The following DMD variants were observed in gnomAD, a reference collection of about 807,000 sequenced individuals.
DMD encodes dystrophin, also known as mutant dystrophin.
A neutral mutation model predicts 330.1 loss-of-function variants in DMD; 63 were observed. That is an observed-to-expected ratio of 0.19 (90% CI 0.16 to 0.24). The LOEUF is 0.24. DMD is among the 10% of genes least tolerant of loss of function. The probability of loss-of-function intolerance (pLI) is 1.00; values close to 1 mark genes in which losing one functional copy is unlikely to be tolerated. For synonymous variants in DMD, 1,223 were observed against 959.8 expected, an observed-to-expected ratio of 1.27 and a Z score of -5.07; for missense variants, 3,344 against 2,684.1, an observed-to-expected ratio of 1.25 and a Z score of -5.43.
chrX:33,025,688 G>A (rs1291768121), intron 1 of DMD, among the ~76,000 whole-genome samples: 2 of 110,554 alleles, frequency 1.8e-5, no homozygotes, highest in Non-Finnish European at 3.8e-5. Flanking sequence ...CAGTAGCTAG[G>A]ACTCTAGGCA....
chrX:32,431,926 C>T (rs2098239984), intron 29 of DMD, among the ~76,000 whole-genome samples: 1 of 111,048 alleles, frequency 9.0e-6, no homozygotes, highest in South Asian at 3.8e-4. Flanking sequence ...TGAGTTTAAT[C>T]TGTGAGGACA....
At chrX:32,664,127 T>C (rs574007227) in intron 9 of DMD, among the ~76,000 whole-genome samples, 11 of 111,456 alleles carry the variant, frequency 9.9e-5, no homozygotes, top group African/African-American at 3.3e-4. Flanking sequence ...GGCAGGCTTG[T>C]TTAAAAGGCT....
chrX:31,453,723 C>T (rs1192295348), intron 59 of DMD, among the ~76,000 whole-genome samples: 1 of 88,726 alleles, frequency 1.1e-5, no homozygotes, highest in Non-Finnish European at 2.1e-5. Flanking sequence ...ATAATCCTAA[C>T]TGCAACTGCC....
chrX:32,454,199 C>A (rs191222399), intron 26 of DMD, among the ~76,000 whole-genome samples: 72 of 111,192 alleles, frequency 6.5e-4, no homozygotes, highest in Admixed American at 4.9e-3. Flanking sequence ...TAAACTCAGT[C>A]CTTTCTATCC....
At chrX:31,221,352 C>T (rs1416269125) in intron 64 of DMD, among the ~76,000 whole-genome samples, 5 of 112,183 alleles carry the variant, frequency 4.5e-5, no homozygotes, top group Non-Finnish European at 9.4e-5. Flanking sequence ...TAGATCTTTC[C>T]CCTGGAATTC....
rs1057518962 is a variant in DMD, at chrX:32,573,812, C to G, written c.1637G>C (p.Trp546Ser). 3.3e-6 allele frequency: 4 copies of G among 1,209,588 alleles called. No individual in the cohort carries two copies. The highest frequency in any genetic ancestry group is 4.5e-6 in the Non-Finnish European group (4 of 894,933). ...LGDRWANICR[W>S]TEDRWVLLQD... ...TAAAAGAACCCAGCGGTCTTCTGTC[C>G]ATCTACAGATGTTTGCCCATCGATC... is the stretch of plus-strand genomic sequence containing the variant. Residue 546 changes from tryptophan (W) to serine (S), a missense_variant, in exon 14 of 79, where the codon TGG becomes TCG. Physicochemically the swap from Trp to Ser is radical, Grantham distance 177 (BLOSUM62 -3). Transcript: ENST00000357033.
intron 67 of DMD, among the ~76,000 whole-genome samples, chrX:31,184,399 CA>C (rs1301005346): frequency 9.3e-6 from 1 of 107,700 alleles, no homozygotes; most frequent in Non-Finnish European, 1.9e-5. Flanking sequence ...AAATGCAAAT[CA>C]AAACCACAAT....
At chrX:32,398,254 T>C (rs1479175849) in intron 30 of DMD, among the ~76,000 whole-genome samples, 1 of 89,970 alleles carries the variant, frequency 1.1e-5, no homozygotes, top group Non-Finnish European at 2.1e-5. Flanking sequence ...TGTACTACTC[T>C]TTTTTTAAAC....
chrX:31,124,581 A>G (rs1175758366), intron 78 of DMD, among the ~76,000 whole-genome samples: 2 of 112,160 alleles, frequency 1.8e-5, no homozygotes, highest in Middle Eastern at 4.6e-3. Context: ...GGCATTTGCA[A>G]TCACCTTCAG....
At chrX:32,171,051 A>G (rs1834850705) in intron 44 of DMD, among the ~76,000 whole-genome samples, 1 of 111,989 alleles carries the variant, frequency 8.9e-6, no homozygotes, top group South Asian at 3.7e-4. Flanking sequence ...TCTCTATAAA[A>G]CTAGTAATAT....
At chrX:31,865,943 T>C (rs1401006166) in intron 48 of DMD, among the ~76,000 whole-genome samples, 1 of 111,362 alleles carries the variant, frequency 9.0e-6, no homozygotes, top group Non-Finnish European at 1.9e-5. Context: ...ACTATTCTGT[T>C]TCTCCTCCTC....
At chrX:33,148,655 A>C (rs1286447946) in intron 1 of DMD, among the ~76,000 whole-genome samples, 1 of 112,057 alleles carries the variant, frequency 8.9e-6, no homozygotes, top group Admixed American at 9.5e-5. Flanking sequence ...AAACACTATG[A>C]ATAATAAAAA....
chrX:31,393,057 T>C (rs767398201), intron 60 of DMD, among the ~76,000 whole-genome samples: 13 of 112,572 alleles, frequency 1.2e-4, no homozygotes, highest in Non-Finnish European at 1.7e-4. Flanking sequence ...TGTTTTGAAA[T>C]TTTAATATGG....
chrX:32,917,378 A>T lies in DMD; in HGVS notation c.94-67558T>A, dbSNP rs774095267. On this transcript the variant is annotated intron_variant, in intron 2 of 78. Coordinates refer to ENST00000357033, the MANE Select transcript of DMD (RefSeq NM_004006.3). ...AACATGTAACACGAAAATATGTACA[A>T]CTATGATATATCAAAAGCTACAAAC... Among the ~76,000 whole-genome samples the T allele has an allele frequency of 5.7e-4, 64 of 111,737 alleles. 1 individual carries two copies. The highest frequency in any genetic ancestry group is 1.9e-3 in the African/African-American group (58 of 30,759).
At chrX:31,990,303 T>C (rs1423839854) in intron 44 of DMD, among the ~76,000 whole-genome samples, 1 of 111,861 alleles carries the variant, frequency 8.9e-6, no homozygotes, top group Non-Finnish European at 1.9e-5. Flanking sequence ...TTTATGTAAA[T>C]GCCTTTTCCT....
intron 29 of DMD, among the ~76,000 whole-genome samples, chrX:32,418,663 G>A (rs777167953): frequency 3.6e-5 from 4 of 110,931 alleles, no homozygotes; most frequent in African/African-American, 1.3e-4. Flanking sequence ...AATTATTTAA[G>A]GACCACTAAG....
At chrX:31,160,521 C>T (rs185333574) in intron 74 of DMD, among the ~76,000 whole-genome samples, 2 of 111,704 alleles carry the variant, frequency 1.8e-5, no homozygotes, top group Admixed American at 1.9e-4. Flanking sequence ...TCAAAGTTTA[C>T]TTCAGACTTG....
chrX:31,493,939 C>T (rs182246255), intron 57 of DMD, among the ~76,000 whole-genome samples: 2 of 111,001 alleles, frequency 1.8e-5, no homozygotes, highest in African/African-American at 6.5e-5. Flanking sequence ...ACAGGCAGAT[C>T]ACGAGGTCAA....
intron 52 of DMD, among the ~76,000 whole-genome samples, chrX:31,722,758 T>G (rs1232507685): frequency 1.8e-5 from 2 of 110,734 alleles, no homozygotes; most frequent in African/African-American, 6.6e-5. Context: ...ATAAATTCAT[T>G]ATTTAGGCTG....
Sources: gnomAD v4.1 joint callset for allele counts (sites outside exome capture counted in the v4.1 genomes callset) on GRCh38, gnomAD v4.1.1 for gene constraint, MANE v1.5 for transcripts, NCBI Gene and HGNC (gene_info 2026-07-23, HGNC 2026-07-21) for gene names.